The following PARP11 variants were observed in gnomAD, a reference collection of about 807,000 sequenced individuals.
PARP11 encodes the protein protein mono-ADP-ribosyltransferase PARP11.
In PARP11, 31 loss-of-function variants were observed where a neutral mutation model predicts 42.9. That is an observed-to-expected ratio of 0.72 (90% CI 0.54 to 0.98). The LOEUF is 0.98. Among genes scored for constraint, PARP11 ranks in the 50% least tolerant of loss-of-function variants. The pLI is 0.00. For synonymous variants in PARP11, 137 were observed against 127.3 expected, an observed-to-expected ratio of 1.08 and a Z score of -0.51; for missense variants, 365 against 413.1, an observed-to-expected ratio of 0.88 and a Z score of 1.01.
chr12:3,829,929 C>A lies in PARP11; in HGVS notation c.108G>T (p.Trp36Cys). ...DMDTSDTQWG[W>C]FYLAECGKWH... ...ACTTCCCACATTCTGCCAAGTAAAA[C>A]CAGCCCCACTGGGTATCTGACGTGT... Residue 36 changes from tryptophan to cysteine, a missense_variant, in exon 2 of 8, where the codon TGG becomes TGT. By Grantham distance (215) the Trp-to-Cys change is radical (BLOSUM62 -2). Coordinates refer to ENST00000228820, the MANE Select transcript of PARP11 (RefSeq NM_020367.6). The A allele has an allele frequency of 1.2e-6, 2 of 1,613,974 alleles. No individual in the cohort carries two copies. The highest frequency in any genetic ancestry group is 3.3e-4 in the Middle Eastern group (2 of 6,058).
chr12:3,870,325 G>T (rs1948453239), intron 1 of PARP11, among the ~76,000 whole-genome samples: 1 of 152,170 alleles, frequency 6.6e-6, no homozygotes, highest in Admixed American at 6.5e-5. Context: ...TATTTGGGTG[G>T]CAAAAGAAGA....
At chr12:3,855,437 T>TC (rs749249224) in intron 1 of PARP11, among the ~76,000 whole-genome samples, 1 of 152,334 alleles carries the variant, frequency 6.6e-6, no homozygotes, top group East Asian at 1.9e-4. Context: ...CAGCAAAGTC[T>TC]CAGGATACAA....
intron 4 of PARP11, among the ~76,000 whole-genome samples, chr12:3,824,964 T>C (rs1263918864): frequency 6.6e-6 from 1 of 152,218 alleles, no homozygotes; most frequent in Non-Finnish European, 1.5e-5. Context: ...ATCGTGATGC[T>C]AAAATAAAAC....
chr12:3,863,079 G>A (rs917114603), intron 1 of PARP11, among the ~76,000 whole-genome samples: 1 of 152,108 alleles, frequency 6.6e-6, no homozygotes, highest in Admixed American at 6.5e-5. Context: ...TACAGATCTT[G>A]CAAATCTTTT....
rs754149085 is a variant in PARP11, at chr12:3,822,097, T to C, written c.405A>G (p.Gln135=). 1 of 1,613,814 alleles carries C rather than the reference T, an allele frequency of 6.2e-7. No individual in the cohort carries two copies. The highest frequency in any genetic ancestry group is 8.5e-7 in the Non-Finnish European group (1 of 1,179,724). The change falls in exon 5 of 8, where the codon CAA becomes CAG. Residue 135 remains glutamine, a synonymous_variant. Coordinates refer to ENST00000228820, the MANE Select transcript of PARP11 (RefSeq NM_020367.6). ...ATTCTGCTCTTACCTGATATGGTAC[T>C]TGAGTATTCACATTCTCCCAGTGTG... ...MPPHWENVNT[Q]VPYQLIPLHN...
intron 1 of PARP11, 135 bp downstream of exon 1, chr12:3,873,077 G>C (rs1015677184): frequency 1.2e-5 from 10 of 868,588 alleles, no homozygotes; most frequent in African/African-American, 1.7e-5. Context: ...GAAGCCAAAA[G>C]GCCCGGGAAC....
At chr12:3,855,669 A>G (rs569612516) in intron 1 of PARP11, among the ~76,000 whole-genome samples, 1 of 152,348 alleles carries the variant, frequency 6.6e-6, no homozygotes, top group East Asian at 1.9e-4. Flanking sequence ...ATGGATAGGA[A>G]GAATCAATAT....
intron 6 of PARP11, among the ~76,000 whole-genome samples, chr12:3,821,289 T>C (rs1246753598): frequency 2.0e-5 from 3 of 152,228 alleles, no homozygotes; most frequent in Non-Finnish European, 4.4e-5. Flanking sequence ...ATAAAAAATA[T>C]GGCAGAACAG....
At chr12:3,824,953 TA>T (rs1433020533) in intron 4 of PARP11, among the ~76,000 whole-genome samples, 2 of 152,216 alleles carry the variant, frequency 1.3e-5, no homozygotes, top group African/African-American at 4.8e-5. Flanking sequence ...ATAACTTTTA[TA>T]TCGTGATGCT....
At chr12:3,813,346 T>C (rs944185981) in intron 7 of PARP11, among the ~76,000 whole-genome samples, 27 of 152,230 alleles carry the variant, frequency 1.8e-4, no homozygotes, top group Admixed American at 7.2e-4. Context: ...ATAATGCTAT[T>C]CATATCTGAG....
At chr12:3,869,832 C>T (rs1948444727) in intron 1 of PARP11, among the ~76,000 whole-genome samples, 1 of 152,190 alleles carries the variant, frequency 6.6e-6, no homozygotes, top group South Asian at 2.1e-4. Context: ...AAGGCTGGAG[C>T]CTAGTCTGTT....
At chr12:3,851,393 G>T (rs1428073495) in intron 1 of PARP11, among the ~76,000 whole-genome samples, 1 of 152,232 alleles carries the variant, frequency 6.6e-6, no homozygotes, top group Non-Finnish European at 1.5e-5. Flanking sequence ...GGAAAACTGG[G>T]ACACTGCTAC....
At position 3,810,226 on chromosome 12, in the gene PARP11, A is replaced by G. The variant is rs1947141629; in HGVS notation, c.*1897T>C. ...GAGGATAATAGAGAGAAAATTCAGC[A>G]TTAGAAGGAGTTAAGAGAAAAGCTT... On this transcript the variant is annotated 3_prime_UTR_variant, in exon 8 of 8. Coordinates refer to ENST00000228820, the MANE Select transcript of PARP11 (RefSeq NM_020367.6). The G allele has an allele frequency of 6.6e-6, 1 of 152,222 alleles. No homozygotes were observed. Among genetic ancestry groups the G allele is most frequent in the Admixed American group, 6.5e-5 (1 of 15,284 alleles). 9.4% of individuals were successfully genotyped at this position (152,222 alleles called of 1,614,324 possible).
intron 6 of PARP11, among the ~76,000 whole-genome samples, chr12:3,821,110 T>C (rs1947382465): frequency 6.6e-6 from 1 of 152,254 alleles, no homozygotes; most frequent in Non-Finnish European, 1.5e-5. Context: ...GGATGACGGA[T>C]ACATGAGGTT....
chr12:3,869,252 TG>T (rs1948437222), intron 1 of PARP11, among the ~76,000 whole-genome samples: 1 of 152,228 alleles, frequency 6.6e-6, no homozygotes, highest in South Asian at 2.1e-4. Context: ...TTACAGATTC[TG>T]GGTATTAATA....
intron 1 of PARP11, among the ~76,000 whole-genome samples, chr12:3,844,778 A>G (rs1344880620): frequency 6.6e-6 from 1 of 152,212 alleles, no homozygotes; most frequent in Non-Finnish European, 1.5e-5. Flanking sequence ...GACCTCCGGA[A>G]TAAAAGAACT....
At chr12:3,852,061 A>C (rs1948106055) in intron 1 of PARP11, among the ~76,000 whole-genome samples, 2 of 152,202 alleles carry the variant, frequency 1.3e-5, no homozygotes, top group Non-Finnish European at 2.9e-5. Flanking sequence ...TAGAAGGAAA[A>C]CTAACAAACA....
intron 1 of PARP11, among the ~76,000 whole-genome samples, chr12:3,830,533 C>T (rs4766174): frequency 0.2 from 30,935 of 152,000 alleles, 3,928 homozygotes; most frequent in East Asian, 0.36. Context: ...CTCCTGTGAA[C>T]GTGCCTGTAT....
intron 1 of PARP11, among the ~76,000 whole-genome samples, chr12:3,867,071 TTTTA>T (rs1476119266): frequency 1.3e-5 from 2 of 152,228 alleles, no homozygotes; most frequent in African/African-American, 4.8e-5. Flanking sequence ...GGAAGACAGT[TTTTA>T]TTTAGACAAT....
Sources: allele counts gnomAD v4.1 joint callset (sites outside exome capture counted in the v4.1 genomes callset), GRCh38; gene constraint gnomAD v4.1.1; transcripts MANE v1.5; gene names NCBI Gene and HGNC (gene_info 2026-07-23, HGNC 2026-07-21).